ESR1: variants seen among roughly 807,000 people sequenced by gnomAD.
ESR1 encodes estrogen receptor 1.
Under a neutral mutation model 52.7 loss-of-function variants are expected in ESR1, and 12 were observed. That is an observed-to-expected ratio of 0.23 (90% CI 0.15 to 0.37). The LOEUF is 0.37. Ranked by LOEUF, ESR1 falls within the 10% of genes least tolerant of loss-of-function variation. ESR1 has a pLI of 1.00. For synonymous variants in ESR1, 305 were observed against 316.8 expected (o/e 0.96, Z 0.39); for missense variants, 584 against 779.7 (o/e 0.75, Z 2.99).
At position 151,780,682 on chromosome 6, in the gene ESR1, C is replaced by G. The variant is rs140096814; in HGVS notation, c.-70-27161C>G. ...GTGAAGCCCTGACTTGGGAAGAATT[C>G]AAATGCGAGTTAGGCTTATGTTTGA... On this transcript the variant is annotated intron_variant, in intron 2 of 2. Transcript: ENST00000404742. Among the ~76,000 whole-genome samples the G allele has an allele frequency of 2.3e-4, 35 of 152,294 alleles. No individual in the cohort carries two copies. The East Asian group carries it at 6.4e-3, about 28-fold the overall frequency.
At chr6:151,917,808 C>T (rs879810016) in intron 3 of ESR1, among the ~76,000 whole-genome samples, 2 of 152,136 alleles carry the variant, frequency 1.3e-5, no homozygotes, top group Non-Finnish European at 2.9e-5. Flanking sequence ...AGGAACGTTG[C>T]AGTAACTTTT....
chr6:151,971,290 C>T (rs2128634842), intron 4 of ESR1, among the ~76,000 whole-genome samples: 1 of 152,252 alleles, frequency 6.6e-6, no homozygotes, highest in African/African-American at 2.4e-5. Flanking sequence ...GTGCATCCAT[C>T]ACACGAGCGG....
chr6:152,115,633 T>C (rs2051201369), intron 6 of ESR1, among the ~76,000 whole-genome samples: 1 of 150,372 alleles, frequency 6.7e-6, no homozygotes, highest in African/African-American at 2.5e-5. Context: ...GAAAGAACTA[T>C]ATGAAGTCAG....
chr6:151,782,041 T>C (rs1246283524), intron 2 of ESR1, among the ~76,000 whole-genome samples: 26 of 152,204 alleles, frequency 1.7e-4, no homozygotes, highest in Admixed American at 1.7e-3. Context: ...GAAATGTATG[T>C]TCTAGACAGG....
intron 1 of ESR1, among the ~76,000 whole-genome samples, chr6:151,819,978 C>T (rs1018243617): frequency 6.6e-6 from 1 of 152,148 alleles, no homozygotes; most frequent in African/African-American, 2.4e-5. Flanking sequence ...GGAACATTGT[C>T]ATCAAGGAGT....
chr6:152,119,334 A>G (rs1411870505), intron 6 of ESR1, among the ~76,000 whole-genome samples: 1 of 152,204 alleles, frequency 6.6e-6, no homozygotes, highest in Admixed American at 6.5e-5. Context: ...AAGAGAAGCT[A>G]CTGTGGGTCC....
At chr6:152,089,158 A>T (rs2049981443) in intron 6 of ESR1, among the ~76,000 whole-genome samples, 1 of 152,238 alleles carries the variant, frequency 6.6e-6, no homozygotes. Context: ...TCTGGAGACG[A>T]TGTCAATGTA....
chr6:151,801,005 G>T (rs1777181745), upstream of ESR1, among the ~76,000 whole-genome samples: 3 of 151,708 alleles, frequency 2.0e-5, no homozygotes, highest in South Asian at 6.3e-4. Flanking sequence ...AAAATCATTT[G>T]GCTAGGCTGG....
intron 3 of ESR1, among the ~76,000 whole-genome samples, chr6:151,924,581 C>T (rs1913476): frequency 0.79 from 119,881 of 151,984 alleles, 47,891 homozygotes; most frequent in African/African-American, 0.9. Flanking sequence ...ATCCTCTCCC[C>T]ACTCCCACTC....
At chr6:151,663,838 G>A (rs1777722705) in intron 1 of ESR1, among the ~76,000 whole-genome samples, 1 of 152,182 alleles carries the variant, frequency 6.6e-6, no homozygotes, top group African/African-American at 2.4e-5. Flanking sequence ...TGAGAGTGAA[G>A]GGATAAGACA....
At chr6:151,747,497 C>T (rs949338557) in intron 2 of ESR1, among the ~76,000 whole-genome samples, 3 of 152,182 alleles carry the variant, frequency 2.0e-5, no homozygotes, top group African/African-American at 7.2e-5. Context: ...CATTACCTCT[C>T]AGAATGGGTA....
chr6:152,079,896 T>A lies in ESR1; in HGVS notation c.1370-14489T>A, dbSNP rs182656034. On this transcript the variant is annotated intron_variant, in intron 6 of 7. Transcript: ENST00000206249. Reference sequence around the variant, plus strand: ...CAAGTGGAAGAAAGGATATCAGTGATTGAAGATCAAATTAATGAAATAAAG... The same window carrying A: ...CAAGTGGAAGAAAGGATATCAGTGAATGAAGATCAAATTAATGAAATAAAG... Among the ~76,000 whole-genome samples, 525 of 152,202 alleles carry A rather than the reference T, an allele frequency of 3.4e-3. 3 individuals carry two copies. Among genetic ancestry groups the A allele is most frequent in the African/African-American group, 0.012 (478 of 41,530 alleles).
intron 1 of ESR1, among the ~76,000 whole-genome samples, chr6:151,827,154 T>A (rs559711185): frequency 2.0e-5 from 3 of 151,880 alleles, no homozygotes; most frequent in Non-Finnish European, 2.9e-5. Flanking sequence ...TGAGACCCCA[T>A]CTCTACAAAA....
intron 6 of ESR1, among the ~76,000 whole-genome samples, chr6:152,086,482 T>C (rs530605707): frequency 6.6e-6 from 1 of 150,888 alleles, no homozygotes; most frequent in East Asian, 1.9e-4. Flanking sequence ...AAACTGGGAC[T>C]TTATATTTAA....
intron 3 of ESR1, among the ~76,000 whole-genome samples, chr6:151,884,384 G>A (rs1488424327): frequency 6.6e-6 from 1 of 152,218 alleles, no homozygotes; most frequent in Non-Finnish European, 1.5e-5. Context: ...AAGGCCAGCT[G>A]TGACTGAATA....
chr6:151,980,281 T>C (rs1458207541), intron 4 of ESR1, among the ~76,000 whole-genome samples: 1 of 152,186 alleles, frequency 6.6e-6, no homozygotes, highest in Non-Finnish European at 1.5e-5. Flanking sequence ...TTGACACTCC[T>C]ACACACCAGT....
At chr6:151,696,807 G>A (rs1444309329) in intron 1 of ESR1, among the ~76,000 whole-genome samples, 1 of 152,160 alleles carries the variant, frequency 6.6e-6, no homozygotes, top group Non-Finnish European at 1.5e-5. Flanking sequence ...TGAGCACCAC[G>A]GTGAGGAAGT....
At chr6:151,788,256 A>G (rs1309603457) in intron 2 of ESR1, among the ~76,000 whole-genome samples, 6 of 152,164 alleles carry the variant, frequency 3.9e-5, no homozygotes, top group African/African-American at 1.4e-4. Context: ...ACTTAAATTT[A>G]CAAGAAAAAA....
At chr6:151,763,682 G>A (rs1784826788) in intron 2 of ESR1, among the ~76,000 whole-genome samples, 1 of 152,182 alleles carries the variant, frequency 6.6e-6, no homozygotes, top group South Asian at 2.1e-4. Flanking sequence ...CAGAAGAGGA[G>A]TGTATTCCTG....
Sources: allele counts gnomAD v4.1 joint callset (sites outside exome capture counted in the v4.1 genomes callset), GRCh38; gene constraint gnomAD v4.1.1; transcripts MANE v1.5; gene names NCBI Gene and HGNC (gene_info 2026-07-23, HGNC 2026-07-21).